Variants in ESCO1 observed in about 807,000 individuals in gnomAD.
ESCO1 encodes the protein establishment of sister chromatid cohesion N-acetyltransferase 1.
Under a neutral mutation model 83.5 loss-of-function variants are expected in ESCO1, and 33 were observed. The ratio of observed to expected loss-of-function variants is 0.40; its 90% CI spans 0.30 to 0.53. The LOEUF (loss-of-function observed/expected upper bound fraction) is 0.53. Ranked by LOEUF, ESCO1 falls within the 20% of genes least tolerant of loss-of-function variation. ESCO1 has a pLI of 0.63. For synonymous variants in ESCO1, 332 were observed against 324.3 expected (o/e 1.02, Z -0.25); for missense variants, 855 against 968.0 (o/e 0.88, Z 1.55).
chr18:21,599,783 C>T (rs2038815913), intron 1 of ESCO1, among the ~76,000 whole-genome samples: 1 of 152,080 alleles, frequency 6.6e-6, no homozygotes, highest in African/African-American at 2.4e-5. Flanking sequence ...GATTTTCGGA[C>T]GCATCATTGA....
chr18:21,584,601 G>A (rs1049998320), intron 1 of ESCO1, among the ~76,000 whole-genome samples, 161 bp from the exon 2 acceptor site: 3 of 151,956 alleles, frequency 2.0e-5, no homozygotes, highest in Admixed American at 6.6e-5. Flanking sequence ...ATCAAGGATC[G>A]CTTGAGCCCA....
rs567355549 is a variant in ESCO1, at chr18:21,578,566, G to A, written c.-693-2789C>T. Among the ~76,000 whole-genome samples the A allele has an allele frequency of 9.9e-5, 15 of 152,124 alleles. No homozygotes were observed. The South Asian group carries it at 3.1e-3, about 32-fold the overall frequency. On this transcript the variant is annotated intron_variant, in intron 2 of 11. Coordinates refer to ENST00000269214, the MANE Select transcript of ESCO1 (RefSeq NM_052911.3). ...TGACATGAGTTTCCTGATTAAAAGGGCCAAGACTGCCAGGTACAGTGGCAT... is the reference window on the plus strand; with the variant it reads ...TGACATGAGTTTCCTGATTAAAAGGACCAAGACTGCCAGGTACAGTGGCAT...
In ESCO1 at chr18:21,532,512, C is replaced by T; in HGVS notation, c.2336G>A (p.Arg779His). 2 of 1,613,382 alleles carry T rather than the reference C, an allele frequency of 1.2e-6. No individual in the cohort carries two copies. The highest frequency in any genetic ancestry group is 1.7e-6 in the Non-Finnish European group (2 of 1,179,476). Residue 779 changes from arginine (R) to histidine (H), a missense_variant, in exon 11 of 12, where the codon CGT (arginine) becomes CAT (histidine). Physicochemically the swap from Arg to His is conservative, Grantham distance 29. Coordinates refer to ENST00000269214, the MANE Select transcript of ESCO1 (RefSeq NM_052911.3). ...ISRIWVFSMM[R>H]RKKIASRMIE... Reference sequence around the variant, plus strand: ...CATGCGAGAAGCAATTTTCTTCCGACGCATCATGCTGAATACCCATATTCG... The same window carrying T: ...CATGCGAGAAGCAATTTTCTTCCGATGCATCATGCTGAATACCCATATTCG...
At position 21,531,207 on chromosome 18, in the gene ESCO1, CAA is replaced by C. The variant is rs543282106; in HGVS notation, c.2376-719_2376-718del. Among the ~76,000 whole-genome samples the C allele has an allele frequency of 2.7e-3, 405 of 151,848 alleles. 1 individual carries two copies. The highest frequency in any genetic ancestry group is 4.5e-3 in the Non-Finnish European group (304 of 67,922). ...CTGTAATCCCAGCATTTTGGGAGGC[CAA>C]GGTGAGAGGATTGCTTAAGCCCAAG... On this transcript the variant is annotated intron_variant, in intron 11 of 11. Transcript: ENST00000269214.
At chr18:21,587,172 C>T (rs2038593856) in intron 1 of ESCO1, among the ~76,000 whole-genome samples, 1 of 152,170 alleles carries the variant, frequency 6.6e-6, no homozygotes, top group Non-Finnish European at 1.5e-5. Context: ...TGGACATATT[C>T]ATAAGAAATA....
chr18:21,551,349 G>A (rs2038045350), intron 8 of ESCO1, among the ~76,000 whole-genome samples: 1 of 151,252 alleles, frequency 6.6e-6, no homozygotes, highest in Non-Finnish European at 1.5e-5. Context: ...GGCACCTGTA[G>A]GAACCTGGGA....
intron 8 of ESCO1, among the ~76,000 whole-genome samples, chr18:21,553,946 C>T (rs1219134912): frequency 6.7e-6 from 1 of 150,066 alleles, no homozygotes; most frequent in Non-Finnish European, 1.5e-5. Context: ...AAGAAAACAG[C>T]CTGATTGAAA....
intron 10 of ESCO1, 132 bp downstream of exon 10, chr18:21,535,910 C>T (rs938983386): frequency 2.2e-5 from 24 of 1,073,686 alleles, no homozygotes; most frequent in Non-Finnish European, 3.0e-5. Flanking sequence ...AAGACTCACA[C>T]ATGGGAATTC....
intron 8 of ESCO1, among the ~76,000 whole-genome samples, chr18:21,557,589 G>A (rs2038129113): frequency 6.6e-6 from 1 of 152,148 alleles, no homozygotes; most frequent in Non-Finnish European, 1.5e-5. Flanking sequence ...GAAGGAAAGG[G>A]CATAGCCCTG....
At chr18:21,542,978 C>T (rs2037926109) in intron 8 of ESCO1, among the ~76,000 whole-genome samples, 2 of 152,208 alleles carry the variant, frequency 1.3e-5, no homozygotes, top group African/African-American at 2.4e-5. Flanking sequence ...AGTGCACTTA[C>T]ACTTCTGACC....
intron 2 of ESCO1, among the ~76,000 whole-genome samples, chr18:21,579,422 A>G (rs960778530): frequency 1.3e-5 from 2 of 151,522 alleles, no homozygotes; most frequent in African/African-American, 4.9e-5. Context: ...CGATCATACC[A>G]CTGCACTCCA....
At position 21,573,762 on chromosome 18, in the gene ESCO1, T is replaced by C. The variant is rs1442821142; in HGVS notation, c.1082A>G (p.Gln361Arg). ...LHQKETNQDV[Q>R]CNRFFPSRKT... ...TCTACTTGGGAAAAAACGATTACAT[T>C]GCACATCCTGATTTGTTTCCTTCTG... Residue 361 changes from glutamine to arginine, a missense_variant, in exon 4 of 12, where the codon CAA (glutamine) becomes CGA (arginine). This residue lies in a region of ESCO1 where 726 missense variants were observed against 699.5 expected (regional missense o/e 1.04). Transcript: ENST00000269214. The C allele has an allele frequency of 6.2e-7, 1 of 1,614,184 alleles. No individual in the cohort carries two copies. Among genetic ancestry groups the C allele is most frequent in the South Asian group, 1.1e-5 (1 of 91,082 alleles).
chr18:21,563,953 TTC>T (rs2038223924), intron 7 of ESCO1, among the ~76,000 whole-genome samples: 2 of 151,820 alleles, frequency 1.3e-5, no homozygotes, highest in African/African-American at 4.8e-5. Flanking sequence ...CTTCCTTGGT[TTC>T]TCTCTCTTGC....
At chr18:21,595,627 C>A (rs924250434) in intron 1 of ESCO1, among the ~76,000 whole-genome samples, 1 of 150,366 alleles carries the variant, frequency 6.7e-6, no homozygotes, top group Admixed American at 6.7e-5. Context: ...AAGATTGCGC[C>A]GCTGCACTCT....
At chr18:21,600,257 G>A (rs1248261936) in intron 1 of ESCO1, among the ~76,000 whole-genome samples, 1 of 152,242 alleles carries the variant, frequency 6.6e-6, no homozygotes, top group East Asian at 1.9e-4. Context: ...CCCGGTGCTA[G>A]CAATGGCTGC....
At chr18:21,532,257 T>C (rs574450495) in intron 11 of ESCO1, among the ~76,000 whole-genome samples, 11 of 152,348 alleles carry the variant, frequency 7.2e-5, no homozygotes, top group Non-Finnish European at 1.6e-4. Flanking sequence ...AACAGCTTAA[T>C]ATTAATAGTG....
chr18:21,548,430 G>C (rs933012332), intron 8 of ESCO1, among the ~76,000 whole-genome samples: 2 of 152,094 alleles, frequency 1.3e-5, no homozygotes, highest in Non-Finnish European at 2.9e-5. Context: ...GAGAGGTTGA[G>C]GCTGCAATGA....
At chr18:21,577,929 C>T (rs1478403947) in intron 2 of ESCO1, among the ~76,000 whole-genome samples, 1 of 152,174 alleles carries the variant, frequency 6.6e-6, no homozygotes, top group Non-Finnish European at 1.5e-5. Flanking sequence ...ATACCTTCTA[C>T]TAAGGAAGTG....
At chr18:21,536,270 T>G (rs1227034320) in intron 9 of ESCO1, 85 bp from the exon 10 acceptor site, 1 of 1,425,890 alleles carries the variant, frequency 7.0e-7, no homozygotes. Flanking sequence ...GTAGATCAAC[T>G]TTATTCCAAG....
Sources: allele counts gnomAD v4.1 joint callset (sites outside exome capture counted in the v4.1 genomes callset), GRCh38; gene constraint gnomAD v4.1.1; regional missense constraint gnomAD v4.1.1; transcripts MANE v1.5; gene names NCBI Gene and HGNC (gene_info 2026-07-23, HGNC 2026-07-21).